Variants in NKAIN3 observed in about 807,000 individuals in gnomAD.
NKAIN3 encodes sodium/potassium-transporting ATPase subunit beta-1-interacting protein 3.
Under a neutral mutation model 30.2 loss-of-function variants are expected in NKAIN3, and 25 were observed. The observed-to-expected ratio is 0.83, with a 90% CI of 0.60 to 1.16. The LOEUF (loss-of-function observed/expected upper bound fraction) is 1.16, where lower values mean the gene tolerates loss of function less well. NKAIN3 is among the 50% of genes most tolerant of loss of function. NKAIN3 has a pLI of 0.00. For synonymous variants in NKAIN3, 91 were observed against 89.6 expected (o/e 1.02, Z -0.09); for missense variants, 225 against 254.1 (o/e 0.89, Z 0.78).
intron 1 of NKAIN3, among the ~76,000 whole-genome samples, chr8:62,453,007 A>G (rs931654751): frequency 6.6e-5 from 10 of 152,220 alleles, no homozygotes; most frequent in African/African-American, 2.2e-4. Context: ...AAATTCTCAC[A>G]AATACCCACA....
intron 1 of NKAIN3, among the ~76,000 whole-genome samples, chr8:62,399,253 C>T (rs1188114327): frequency 6.6e-6 from 1 of 152,148 alleles, no homozygotes; most frequent in African/African-American, 2.4e-5. Context: ...TGCTTGTAAT[C>T]TCAGCACTTC....
At position 62,319,326 on chromosome 8, in the gene NKAIN3, T is replaced by C. The variant is rs185650510; in HGVS notation, c.54+70199T>C. On this transcript the variant is annotated intron_variant, in intron 1 of 6. Coordinates refer to ENST00000623646, the MANE Select transcript of NKAIN3 (RefSeq NM_001304533.3). ...TTTTGAAGGGTTTTTTGTGTCTCTG[T>C]TTTCTTCATTTCTGCTCTGATCTTA... Among the ~76,000 whole-genome samples the C allele has an allele frequency of 3.0e-3, 459 of 152,320 alleles. 3 individuals carry two copies. The highest frequency in any genetic ancestry group is 0.01 in the African/African-American group (434 of 41,584).
chr8:62,529,647 G>C (rs373567309), intron 1 of NKAIN3, among the ~76,000 whole-genome samples: 30 of 152,240 alleles, frequency 2.0e-4, no homozygotes, highest in African/African-American at 6.7e-4. Flanking sequence ...GAATCTGTCA[G>C]TGCCATGATC....
chr8:62,551,932 T>G (rs1737796623), intron 1 of NKAIN3, among the ~76,000 whole-genome samples: 1 of 152,216 alleles, frequency 6.6e-6, no homozygotes, highest in Admixed American at 6.5e-5. Context: ...TTGATCACAT[T>G]TCTTGGCAAA....
chr8:62,356,785 A>G (rs1020858329), intron 1 of NKAIN3, among the ~76,000 whole-genome samples: 4 of 152,168 alleles, frequency 2.6e-5, no homozygotes, highest in Admixed American at 1.3e-4. Flanking sequence ...TGCATTCAGT[A>G]ATTCCAAGTT....
chr8:62,322,773 A>T (rs1206852814), intron 1 of NKAIN3, among the ~76,000 whole-genome samples: 4 of 152,200 alleles, frequency 2.6e-5, no homozygotes, highest in Non-Finnish European at 5.9e-5. Flanking sequence ...CTGACAAACA[A>T]ACAAAAACAC....
chr8:62,841,235 A>T (rs1054341668), intron 4 of NKAIN3, among the ~76,000 whole-genome samples: 6 of 152,148 alleles, frequency 3.9e-5, no homozygotes, highest in African/African-American at 1.4e-4. Context: ...GTACAATGTG[A>T]TGTTTTCATA....
At chr8:62,401,980 C>G (rs1737214885) in intron 1 of NKAIN3, among the ~76,000 whole-genome samples, 1 of 152,160 alleles carries the variant, frequency 6.6e-6, no homozygotes, top group Non-Finnish European at 1.5e-5. Context: ...TGAAACCATC[C>G]AGGCTTTTCT....
intron 3 of NKAIN3, among the ~76,000 whole-genome samples, chr8:62,713,677 A>G (rs948596695): frequency 5.9e-5 from 9 of 152,224 alleles, no homozygotes; most frequent in African/African-American, 2.2e-4. Flanking sequence ...ATATATTGAG[A>G]CTTGTTATTT....
intron 1 of NKAIN3, among the ~76,000 whole-genome samples, chr8:62,407,401 G>GTT (rs10660478): frequency 0.078 from 9,273 of 118,610 alleles, 1,473 homozygotes; most frequent in African/African-American, 0.24. Context: ...CTAGATAGTT[G>GTT]TTTTTTTTTT....
At chr8:62,808,699 A>G (rs566004114) in intron 4 of NKAIN3, among the ~76,000 whole-genome samples, 3 of 152,074 alleles carry the variant, frequency 2.0e-5, no homozygotes, top group Non-Finnish European at 2.9e-5. Context: ...GGTCACAGAG[A>G]TCACATGCTT....
intron 1 of NKAIN3, among the ~76,000 whole-genome samples, chr8:62,504,632 A>C (rs2129699769): frequency 6.6e-6 from 1 of 152,262 alleles, no homozygotes; most frequent in Non-Finnish European, 1.5e-5. Flanking sequence ...CCATAAATGG[A>C]AAATCAAACC....
intron 1 of NKAIN3, among the ~76,000 whole-genome samples, chr8:62,486,277 G>A (rs1476825142): frequency 6.6e-6 from 1 of 152,116 alleles, no homozygotes; most frequent in Non-Finnish European, 1.5e-5. Flanking sequence ...AGGCAGGCCG[G>A]TATCAGAGTT....
chr8:62,957,933 G>GA (rs1392972601), intron 6 of NKAIN3, among the ~76,000 whole-genome samples: 1 of 152,180 alleles, frequency 6.6e-6, no homozygotes, highest in Non-Finnish European at 1.5e-5. Context: ...GCTGATAATG[G>GA]AAAAGGCTGT....
At chr8:62,824,024 A>G (rs1213234051) in intron 4 of NKAIN3, among the ~76,000 whole-genome samples, 1 of 152,176 alleles carries the variant, frequency 6.6e-6, no homozygotes, top group Non-Finnish European at 1.5e-5. Context: ...CTGCTATGCA[A>G]TCTTAACAAA....
At chr8:62,800,557 G>C (rs887845925) in intron 4 of NKAIN3, among the ~76,000 whole-genome samples, 1 of 152,124 alleles carries the variant, frequency 6.6e-6, no homozygotes, top group Admixed American at 6.5e-5. Flanking sequence ...GCACCTTCCA[G>C]GGATTTTCTC....
intron 4 of NKAIN3, among the ~76,000 whole-genome samples, chr8:62,904,448 G>T (rs1313049749): frequency 2.0e-5 from 3 of 152,146 alleles, no homozygotes; most frequent in African/African-American, 7.2e-5. Flanking sequence ...TGTTGAAGAT[G>T]GTATTATATA....
chr8:62,747,552 C>T (rs1816121873), intron 4 of NKAIN3, among the ~76,000 whole-genome samples: 1 of 152,162 alleles, frequency 6.6e-6, no homozygotes, highest in Non-Finnish European at 1.5e-5. Flanking sequence ...TCATTTATTC[C>T]TTAAAAAACA....
Position 62,966,710 on chromosome 8 carries a change from A to G in NKAIN3, c.*1303A>G, listed in dbSNP as rs995388383. Among the ~76,000 whole-genome samples the G allele has an allele frequency of 2.0e-5, 3 of 152,128 alleles. No homozygotes were observed. Among genetic ancestry groups the G allele is most frequent in the Non-Finnish European group, 4.4e-5 (3 of 68,026 alleles). The stretch of plus-strand genomic sequence containing the variant: ...CTTTTGCCCACACTTCTCAATCACT[A>G]TTTTTTATATGAAAATAAGTTTTGC... On this transcript the variant is annotated 3_prime_UTR_variant, in exon 7 of 7. Coordinates refer to ENST00000623646, the MANE Select transcript of NKAIN3 (RefSeq NM_001304533.3).
Sources: gnomAD v4.1 joint callset for allele counts (sites outside exome capture counted in the v4.1 genomes callset) on GRCh38, gnomAD v4.1.1 for gene constraint, MANE v1.5 for transcripts, NCBI Gene and HGNC (gene_info 2026-07-23, HGNC 2026-07-21) for gene names.